The following ZFHX3 variants were observed in gnomAD, a reference collection of about 807,000 sequenced individuals.
ZFHX3 encodes zinc finger homeobox 3.
In ZFHX3, 42 loss-of-function variants were observed where a neutral mutation model predicts 279.1. That is an observed-to-expected ratio of 0.15 (90% CI 0.12 to 0.19). The LOEUF is 0.19. ZFHX3 is among the 10% of genes least tolerant of loss of function. The probability of loss-of-function intolerance (pLI) is 1.00; values close to 1 mark genes in which losing one functional copy is unlikely to be tolerated. For missense variants in ZFHX3, 4,981 were observed against 4,754.0 expected, an observed-to-expected ratio of 1.05 and a Z score of -1.40; for synonymous variants, 2,293 against 1,957.8, an observed-to-expected ratio of 1.17 and a Z score of -4.52.
At chr16:72,953,608 T>A (rs1159779090) in intron 2 of ZFHX3, among the ~76,000 whole-genome samples, 2 of 152,162 alleles carry the variant, frequency 1.3e-5, no homozygotes, top group Non-Finnish European at 2.9e-5. Context: ...AGCTCTTTTT[T>A]TTTCAAGAGA....
intron 7 of ZFHX3, among the ~76,000 whole-genome samples, chr16:72,805,063 C>T (rs1225729695): frequency 2.0e-5 from 3 of 152,096 alleles, no homozygotes; most frequent in African/African-American, 7.2e-5. Context: ...CTGCAACCTC[C>T]GCCTCCCGGG....
intron 2 of ZFHX3, among the ~76,000 whole-genome samples, chr16:73,626,954 T>C (rs902849864): frequency 2.6e-5 from 4 of 152,236 alleles, no homozygotes; most frequent in African/African-American, 4.8e-5. Flanking sequence ...GAGGGACTTA[T>C]ACTTCTACTG....
chr16:73,408,079 A>T (rs149101069), intron 3 of ZFHX3, among the ~76,000 whole-genome samples: 675 of 150,484 alleles, frequency 4.5e-3, no homozygotes, highest in Admixed American at 7.9e-3. Flanking sequence ...GTGGGGGAAG[A>T]AGCTCTGGTT....
intron 5 of ZFHX3, among the ~76,000 whole-genome samples, chr16:73,230,291 G>A (rs2012733320): frequency 6.6e-6 from 1 of 152,182 alleles, no homozygotes; most frequent in Non-Finnish European, 1.5e-5. Flanking sequence ...TACCCAACTG[G>A]AATGGAATAC....
intron 4 of ZFHX3, among the ~76,000 whole-genome samples, chr16:72,853,424 G>A (rs1015687678): frequency 6.6e-6 from 1 of 152,184 alleles, no homozygotes; most frequent in Non-Finnish European, 1.5e-5. Context: ...CTGCCCTAAT[G>A]AGCCTTCTTT....
rs182616672 is a variant in ZFHX3, at chr16:73,038,204, G to C, written c.-50+9548C>G. ...GTCTGTGTGGTGCGAGAGTCCACGG[G>C]GCCCTCGGGATATTGACTCCCCCAC... On this transcript the variant is annotated intron_variant, in intron 1 of 9. Transcript: ENST00000268489. Among the ~76,000 whole-genome samples the C allele has an allele frequency of 2.6e-5, 4 of 152,034 alleles. No individual in the cohort carries two copies. The East Asian group carries it at 5.8e-4, about 22-fold the overall frequency.
intron 1 of ZFHX3, among the ~76,000 whole-genome samples, chr16:73,888,387 T>A (rs1324224037): frequency 6.6e-6 from 1 of 152,176 alleles, no homozygotes; most frequent in Non-Finnish European, 1.5e-5. Context: ...TGTTGCTCTC[T>A]CGAAGCCCAA....
At position 73,412,326 on chromosome 16, in the gene ZFHX3, C is replaced by CAAAAA. The variant is rs60447973; in HGVS notation, c.-1291+43672_-1291+43676dup. 1.5e-4 allele frequency among the ~76,000 whole-genome samples: 18 copies of CAAAAA among 117,432 alleles called. No individual in the cohort carries two copies. The South Asian group carries it at 4.7e-3, about 30-fold the overall frequency. The allele number at this position is 117,432 out of a possible 152,430, so 77.0% of individuals were successfully genotyped here. A position where few individuals can be genotyped will look rare whatever the true frequency, so the allele number is the denominator to read the frequency against. Reference sequence around the variant, plus strand: ...TGGGCAACAGAGTGAGAGACTGTTTCAAAAAAAAAAAAAAAAAAAAAAAGT... The same window carrying CAAAAA: ...TGGGCAACAGAGTGAGAGACTGTTTCAAAAAAAAAAAAAAAAAAAAAAAAAAAAGT... On this transcript the variant is annotated intron_variant, in intron 3 of 17. Transcript: ENST00000641206.
rs541985052 is a variant in ZFHX3 at position 73,057,948 on chromosome 16, G to C, written c.-24+582C>G. 3.4e-5 allele frequency among the ~76,000 whole-genome samples: 5 copies of C among 148,144 alleles called. No individual in the cohort carries two copies. In the South Asian group the frequency reaches 1.0e-3, roughly 31 times the overall value. On this transcript the variant is annotated intron_variant, in intron 1 of 8. Transcript: ENST00000397992. Reference sequence around the variant, plus strand: ...GCGCCCCGCGCGGCTGCTCAGCCCGGGGCCCCGGCGCCTCTCGGGGTGGGG... The same window carrying C: ...GCGCCCCGCGCGGCTGCTCAGCCCGCGGCCCCGGCGCCTCTCGGGGTGGGG...
chr16:73,721,692 T>C (rs2053475240), intron 1 of ZFHX3, among the ~76,000 whole-genome samples: 1 of 152,182 alleles, frequency 6.6e-6, no homozygotes, highest in African/African-American at 2.4e-5. Flanking sequence ...ATGAGAACAA[T>C]ATCTCAACTC....
At chr16:72,868,236 G>C (rs1483308575) in intron 4 of ZFHX3, among the ~76,000 whole-genome samples, 1 of 152,110 alleles carries the variant, frequency 6.6e-6, no homozygotes, top group Non-Finnish European at 1.5e-5. Context: ...AGGTATGTGT[G>C]GTTTTGATGA....
intron 3 of ZFHX3, among the ~76,000 whole-genome samples, chr16:73,352,266 G>A (rs919240129): frequency 1.8e-4 from 27 of 152,132 alleles, no homozygotes; most frequent in Non-Finnish European, 3.2e-4. Context: ...ACTCAGCAAC[G>A]CTGTGTGGAG....
intron 4 of ZFHX3, among the ~76,000 whole-genome samples, chr16:72,871,489 G>A (rs145382318): frequency 0.14 from 20,860 of 151,794 alleles, 1,938 homozygotes; most frequent in Non-Finnish European, 0.21. Context: ...TTACAAGCAC[G>A]CGCCACCACG....
At chr16:73,430,569 T>C (rs2017892524) in intron 3 of ZFHX3, among the ~76,000 whole-genome samples, 1 of 152,102 alleles carries the variant, frequency 6.6e-6, no homozygotes, top group South Asian at 2.1e-4. Context: ...TCCAACATCA[T>C]TTTGGCTCAA....
chr16:72,853,516 C>G (rs189552438), intron 4 of ZFHX3, among the ~76,000 whole-genome samples: 1 of 152,226 alleles, frequency 6.6e-6, no homozygotes, highest in Non-Finnish European at 1.5e-5. Flanking sequence ...AACTGGAGAT[C>G]GATGCTGCAT....
chr16:73,185,421 C>T (rs117158218), intron 5 of ZFHX3, among the ~76,000 whole-genome samples: 42 of 152,226 alleles, frequency 2.8e-4, no homozygotes, highest in East Asian at 1.2e-3. Flanking sequence ...GAGCAAAGGG[C>T]GGAACCCAAG....
At chr16:73,132,055 G>T (rs1303675082) in intron 6 of ZFHX3, among the ~76,000 whole-genome samples, 1 of 152,122 alleles carries the variant, frequency 6.6e-6, no homozygotes, top group Non-Finnish European at 1.5e-5. Flanking sequence ...GGAGACCGAG[G>T]TGGGAAGATT....
At chr16:73,456,285 A>T (rs1165200444) in intron 2 of ZFHX3, 3 of 152,198 alleles carry the variant, frequency 2.0e-5, no homozygotes, top group African/African-American at 7.2e-5. Flanking sequence ...TAGATTTCTC[A>T]ATTTGTAAAA....
At chr16:73,479,562 C>G (rs1228187962) in intron 2 of ZFHX3, among the ~76,000 whole-genome samples, 3 of 152,206 alleles carry the variant, frequency 2.0e-5, no homozygotes, top group African/African-American at 7.2e-5. Flanking sequence ...CTCCTGCACT[C>G]TGTTATATGA....
Sources: gnomAD v4.1 joint callset for allele counts (sites outside exome capture counted in the v4.1 genomes callset) on GRCh38, gnomAD v4.1.1 for gene constraint, MANE v1.5 for transcripts, NCBI Gene and HGNC (gene_info 2026-07-23, HGNC 2026-07-21) for gene names.